DSG2: variants seen among roughly 807,000 people sequenced by gnomAD.
DSG2 encodes desmoglein-2.
Under a neutral mutation model 75.6 loss-of-function variants are expected in DSG2, and 45 were observed. The observed-to-expected ratio is 0.60, with a 90% CI of 0.47 to 0.76. The LOEUF is 0.76. Ranked by LOEUF, DSG2 falls within the 30% of genes least tolerant of loss-of-function variation. DSG2 has a pLI of 0.00. For synonymous variants in DSG2, 429 were observed against 483.9 expected, an observed-to-expected ratio of 0.89 and a Z score of 1.49; for missense variants, 1,267 against 1,357.4, an observed-to-expected ratio of 0.93 and a Z score of 1.05.
At chr18:31,541,344 T>C (rs1268277139) in intron 13 of DSG2, 30 bp downstream of exon 13, 1 of 1,613,102 alleles carries the variant, frequency 6.2e-7, no homozygotes, top group Non-Finnish European at 8.5e-7. Flanking sequence ...ATATGACTTG[T>C]CTTCTTCTTG....
chr18:31,523,148 TG>T (rs2073139364), intron 6 of DSG2, among the ~76,000 whole-genome samples: 1 of 152,228 alleles, frequency 6.6e-6, no homozygotes. Context: ...ATGCCTGTAA[TG>T]CCAGCACTTT....
chr18:31,546,969 G>C lies in DSG2; in HGVS notation c.*226G>C, dbSNP rs758662453. ...CTGAAGACATAGAGATGATGCTGCT[G>C]CTTAGGTGCCTTTTAGCAAGCTATG... On this transcript the variant is annotated 3_prime_UTR_variant, in exon 15 of 15. Transcript: ENST00000261590. 3.3e-6 allele frequency: 2 copies of C among 604,122 alleles called. No individual in the cohort carries two copies. Among genetic ancestry groups the C allele is most frequent in the Non-Finnish European group, 5.9e-6 (2 of 338,422 alleles). 37.4% of individuals were successfully genotyped at this position (604,122 alleles called of 1,614,324 possible). A position where few individuals can be genotyped will look rare whatever the true frequency, so the allele number is the denominator to read the frequency against.
In DSG2 at chr18:31,498,236, C is replaced by G. The variant is rs1057523171; in HGVS notation, c.-16C>G. On this transcript the variant is annotated 5_prime_UTR_variant, in exon 1 of 15. Coordinates refer to ENST00000261590, the MANE Select transcript of DSG2 (RefSeq NM_001943.5). Reference sequence around the variant, plus strand: ...CGCGGAGCGGTGCGGCGGCGGGAGGCGGAGGCGAGGGTGCGATGGCGCGGA... The same window carrying G: ...CGCGGAGCGGTGCGGCGGCGGGAGGGGGAGGCGAGGGTGCGATGGCGCGGA... The G allele has an allele frequency of 8.0e-7, 1 of 1,253,036 alleles. No homozygotes were observed. The highest frequency in any genetic ancestry group is 4.2e-5 in the Admixed American group (1 of 23,778). 77.6% of individuals were successfully genotyped at this position (1,253,036 alleles called of 1,614,324 possible). A position where few individuals can be genotyped will look rare whatever the true frequency, so the allele number is the denominator to read the frequency against.
At chr18:31,542,332 A>G (rs1215815775) in intron 13 of DSG2, 188 bp from the exon 14 acceptor site, 3 of 655,490 alleles carry the variant, frequency 4.6e-6, no homozygotes, top group Non-Finnish European at 8.1e-6. Flanking sequence ...CTATAAAACA[A>G]GAAGAGAGAA....
intron 8 of DSG2, among the ~76,000 whole-genome samples, chr18:31,526,409 A>G (rs750421297): frequency 5.3e-5 from 8 of 152,358 alleles, no homozygotes; most frequent in Non-Finnish European, 1.2e-4. Context: ...TTGAGGTTTC[A>G]TGATAATTGA....
intron 14 of DSG2, among the ~76,000 whole-genome samples, chr18:31,544,147 A>C (rs181820145): frequency 1.3e-5 from 2 of 152,196 alleles, no homozygotes; most frequent in Admixed American, 6.5e-5. Flanking sequence ...CATATAGAAA[A>C]CTTAGTACTG....
intron 1 of DSG2, among the ~76,000 whole-genome samples, chr18:31,507,878 C>A (rs559336860): frequency 6.6e-6 from 1 of 152,162 alleles, no homozygotes; most frequent in South Asian, 2.1e-4. Context: ...CTGTAGGTTG[C>A]CTGTTCACTC....
intron 6 of DSG2, among the ~76,000 whole-genome samples, chr18:31,523,095 T>C (rs2073138747): frequency 6.6e-6 from 1 of 152,188 alleles, no homozygotes; most frequent in Non-Finnish European, 1.5e-5. Context: ...GTGCACTACG[T>C]TCAGTATTTC....
At chr18:31,502,876 C>G (rs2073021032) in intron 1 of DSG2, among the ~76,000 whole-genome samples, 1 of 152,196 alleles carries the variant, frequency 6.6e-6, no homozygotes, top group Non-Finnish European at 1.5e-5. Flanking sequence ...TTAATCACAG[C>G]TTTTTTCCCT....
rs1555671331 is a variant in DSG2 at position 31,522,179 on chromosome 18, ATCCTCC to A, written c.621_626del (p.Tyr207_Pro209delinsTer). On this transcript the variant is annotated stop_gained and inframe_deletion, in exon 6 of 15. Transcript: ENST00000261590. LOFTEE classifies it high-confidence loss of function. ...AGAATCGTATCTCTGGAGCCTGCTTATCCTCCAGTGTTCTACCTAAATAAAGATACA... is the reference window on the plus strand; with the variant it reads ...AGAATCGTATCTCTGGAGCCTGCTTAAGTGTTCTACCTAAATAAAGATACA... 6.2e-7 allele frequency: 1 copy of A among 1,613,952 alleles called. No individual in the cohort carries two copies. The highest frequency in any genetic ancestry group is 8.5e-7 in the Non-Finnish European group (1 of 1,179,842).
At chr18:31,520,722 C>T in intron 3 of DSG2, 81 bp from the exon 4 acceptor site, 2 of 1,432,436 alleles carry the variant, frequency 1.4e-6, no homozygotes, top group South Asian at 1.2e-5. Flanking sequence ...TAGAGAATCA[C>T]TTCTTAGGCT....
chr18:31,545,616 A>T lies in DSG2; in HGVS notation c.2335-105A>T, dbSNP rs755662332. On this transcript the variant is annotated intron_variant, in intron 14 of 14. Transcript: ENST00000261590. The stretch of plus-strand genomic sequence containing the variant: ...CTGATGGTTCCTTGTAATTAAATTC[A>T]CATTACTGCATTTTGAACAGGAATA... The T allele has an allele frequency of 7.1e-4, 939 of 1,331,830 alleles. 1 individual carries two copies. Among genetic ancestry groups the T allele is most frequent in the Non-Finnish European group, 9.1e-4 (875 of 961,256 alleles). The allele number at this position is 1,331,830 out of a possible 1,614,324, so 82.5% of individuals were successfully genotyped here. A position where few individuals can be genotyped will look rare whatever the true frequency, so the allele number is the denominator to read the frequency against.
intron 1 of DSG2, among the ~76,000 whole-genome samples, chr18:31,508,417 A>G (rs2073050083): frequency 6.6e-6 from 1 of 150,978 alleles, no homozygotes; most frequent in Non-Finnish European, 1.5e-5. Context: ...TTCTTGAGAT[A>G]GAGTCTCATT....
chr18:31,546,832 A>G lies in DSG2; in HGVS notation c.*89A>G. 7.5e-7 allele frequency: 1 copy of G among 1,330,866 alleles called. No homozygotes were observed. Among genetic ancestry groups the G allele is most frequent in the South Asian group, 1.2e-5 (1 of 83,992 alleles). The allele number at this position is 1,330,866 out of a possible 1,614,324, so 82.4% of individuals were successfully genotyped here. A position where few individuals can be genotyped will look rare whatever the true frequency, so the allele number is the denominator to read the frequency against. On this transcript the variant is annotated 3_prime_UTR_variant, in exon 15 of 15. Transcript: ENST00000261590. The stretch of plus-strand genomic sequence containing the variant: ...GTACCTGATTTTTCATGAGCCTTAC[A>G]GACACACAGAGACACATACACATTG...
chr18:31,515,225 CT>C (rs1261853963), intron 1 of DSG2, among the ~76,000 whole-genome samples: 1 of 152,128 alleles, frequency 6.6e-6, no homozygotes, highest in East Asian at 1.9e-4. Flanking sequence ...GCCTCAGCCT[CT>C]CGAGTAGCTG....
At position 31,546,515 on chromosome 18, in the gene DSG2, T is replaced by G. The variant is rs727502992; in HGVS notation, c.3129T>G (p.Asn1043Lys). The G allele has an allele frequency of 3.7e-6, 6 of 1,614,080 alleles. No individual in the cohort carries two copies. The African/African-American group carries it at 8.0e-5, about 22-fold the overall frequency. The change falls in exon 15 of 15, where the codon AAT (asparagine) becomes AAG (lysine). Residue 1043 changes from asparagine (N) to lysine (K), a missense_variant. By Grantham distance (94) the Asn-to-Lys change is moderately conservative (BLOSUM62 0). Transcript: ENST00000261590. Reference protein sequence around the residue: ...LAMPNIAVGQNVTVTERVLAP... With the variant: ...LAMPNIAVGQKVTVTERVLAP... ...TGCCTAATATAGCAGTAGGACAGAA[T>G]GTGACAGTGACAGAAAGAGTTCTAG...
intron 8 of DSG2, 127 bp downstream of exon 8, chr18:31,525,015 G>C: frequency 1.1e-6 from 1 of 923,448 alleles, no homozygotes; most frequent in Non-Finnish European, 1.7e-6. Context: ...AGTTGTTTGA[G>C]AAAGGAGCCA....
chr18:31,501,241 C>T lies in DSG2; in HGVS notation c.45+2945C>T, dbSNP rs143047733. On this transcript the variant is annotated intron_variant, in intron 1 of 14. Transcript: ENST00000261590. ...AATCTGAGAAGGGGTTCATAGGCCT[C>T]GCCAGATTGCCAAGGAGGGCTCGTG... Among the ~76,000 whole-genome samples, 176 of 152,262 alleles carry T rather than the reference C, an allele frequency of 1.2e-3. 2 individuals carry two copies. The highest frequency in any genetic ancestry group is 3.9e-3 in the African/African-American group (163 of 41,554).
chr18:31,547,364 T>C lies in DSG2; in HGVS notation c.*621T>C, dbSNP rs2073321153. ...GACAGTGTGTGTGTGTGCACGTACA[T>C]ACTGTATAGTCTTAAAAATAGCATT... is the stretch of plus-strand genomic sequence containing the variant. On this transcript the variant is annotated 3_prime_UTR_variant, in exon 15 of 15. Transcript: ENST00000261590. The C allele has an allele frequency of 6.0e-6, 1 of 167,368 alleles. No individual in the cohort carries two copies. Among genetic ancestry groups the C allele is most frequent in the Admixed American group, 5.6e-5 (1 of 17,852 alleles). 10.4% of individuals were successfully genotyped at this position (167,368 alleles called of 1,614,324 possible). A position where few individuals can be genotyped will look rare whatever the true frequency, so the allele number is the denominator to read the frequency against.
Sources: allele counts gnomAD v4.1 joint callset (sites outside exome capture counted in the v4.1 genomes callset), GRCh38; gene constraint gnomAD v4.1.1; transcripts MANE v1.5; gene names NCBI Gene and HGNC (gene_info 2026-07-23, HGNC 2026-07-21).